WBP1L: variants seen among roughly 807,000 people sequenced by gnomAD.
WBP1L encodes WW domain binding protein 1-like.
Under a neutral mutation model 33.7 loss-of-function variants are expected in WBP1L, and 17 were observed. That is an observed-to-expected ratio of 0.50 (90% CI 0.34 to 0.76). The LOEUF is 0.76. Among genes scored for constraint, WBP1L ranks in the 30% least tolerant of loss-of-function variants. The pLI is 0.01. For synonymous variants in WBP1L, 173 were observed against 190.8 expected, an observed-to-expected ratio of 0.91 and a Z score of 0.77; for missense variants, 389 against 469.4, an observed-to-expected ratio of 0.83 and a Z score of 1.58.
At chr10:102,761,232 T>G (rs565950007) in intron 1 of WBP1L, among the ~76,000 whole-genome samples, 5 of 148,450 alleles carry the variant, frequency 3.4e-5, no homozygotes, top group African/African-American at 1.2e-4. Flanking sequence ...CTCTACCTCC[T>G]GGGTTCCAGT....
intron 3 of WBP1L, among the ~76,000 whole-genome samples, chr10:102,812,183 T>G (rs1843851605): frequency 6.6e-6 from 1 of 152,206 alleles, no homozygotes; most frequent in Non-Finnish European, 1.5e-5. Context: ...TTAGGGACCC[T>G]GGCCCTGAGG....
chr10:102,763,127 C>T (rs1402470856), intron 1 of WBP1L, among the ~76,000 whole-genome samples: 2 of 147,028 alleles, frequency 1.4e-5, no homozygotes, highest in African/African-American at 5.1e-5. Context: ...TCACTTGAGA[C>T]TGGGAGGCAG....
At chr10:102,812,488 G>A (rs975050611) in intron 3 of WBP1L, 107 bp from the exon 4 acceptor site, 35 of 1,317,148 alleles carry the variant, frequency 2.7e-5, no homozygotes, top group Non-Finnish European at 3.4e-5. Flanking sequence ...CACTTGTTGG[G>A]TGCTCTGGGG....
chr10:102,756,415 G>A (rs1402172655), intron 1 of WBP1L, among the ~76,000 whole-genome samples: 2 of 151,944 alleles, frequency 1.3e-5, no homozygotes, highest in Non-Finnish European at 2.9e-5. Context: ...GTCTCAGGGG[G>A]GTGGTGGGGG....
chr10:102,788,847 C>T (rs972573367), intron 1 of WBP1L, among the ~76,000 whole-genome samples: 3 of 152,078 alleles, frequency 2.0e-5, no homozygotes, highest in African/African-American at 7.2e-5. Context: ...ATGAGAGTTG[C>T]AAAAATATTT....
chr10:102,746,496 A>G (rs113321023), intron 1 of WBP1L, among the ~76,000 whole-genome samples: 189 of 152,174 alleles, frequency 1.2e-3, no homozygotes, highest in African/African-American at 4.5e-3. Context: ...GGAGTACTAG[A>G]TATCTATAGT....
At chr10:102,776,084 GT>G in intron 1 of WBP1L, 1 of 985,200 alleles carries the variant, frequency 1.0e-6, no homozygotes, top group Non-Finnish European at 1.2e-6. Flanking sequence ...GCTGTCTGAA[GT>G]TTTTTCTGCT....
At chr10:102,797,039 C>T (rs1046909518) in intron 1 of WBP1L, among the ~76,000 whole-genome samples, 4 of 152,162 alleles carry the variant, frequency 2.6e-5, no homozygotes, top group African/African-American at 7.2e-5. Flanking sequence ...ATCCTGGATC[C>T]AGTCAGGATT....
In WBP1L at chr10:102,787,143, GTCTTGGTTAACT is replaced by G. The variant is rs1378555383; in HGVS notation, c.91-10845_91-10834del. Among the ~76,000 whole-genome samples the G allele has an allele frequency of 2.0e-5, 3 of 152,250 alleles. No homozygotes were observed. In the East Asian group the frequency reaches 5.8e-4, roughly 29 times the overall value. ...AGTGTCCCATTGCATGCAAGACAAAGTCTTGGTTAACTTCTTAGCAGTGGCTTGCCCTTTATG... is the reference window on the plus strand; with the variant it reads ...AGTGTCCCATTGCATGCAAGACAAAGTCTTAGCAGTGGCTTGCCCTTTATG... On this transcript the variant is annotated intron_variant, in intron 1 of 3. Transcript: ENST00000448841.
At chr10:102,775,651 T>G (rs547417512) in intron 1 of WBP1L, among the ~76,000 whole-genome samples, 1 of 152,270 alleles carries the variant, frequency 6.6e-6, no homozygotes, top group African/African-American at 2.4e-5. Flanking sequence ...CAAGGTAGCG[T>G]GTCGTACCTT....
intron 1 of WBP1L, among the ~76,000 whole-genome samples, chr10:102,794,915 T>C (rs1176703402): frequency 6.6e-6 from 1 of 152,106 alleles, no homozygotes; most frequent in Non-Finnish European, 1.5e-5. Context: ...TTGCTAGAGG[T>C]ACACCTTCTT....
chr10:102,799,478 C>T (rs902243158), intron 2 of WBP1L, among the ~76,000 whole-genome samples: 1 of 152,162 alleles, frequency 6.6e-6, no homozygotes, highest in Non-Finnish European at 1.5e-5. Flanking sequence ...AACTGACACT[C>T]TTTGTACTCT....
intron 1 of WBP1L, among the ~76,000 whole-genome samples, chr10:102,791,611 C>T (rs1843499368): frequency 1.3e-5 from 2 of 152,106 alleles, no homozygotes; most frequent in African/African-American, 4.8e-5. Flanking sequence ...CCAGCCTGGG[C>T]AACATGAGGA....
chr10:102,805,580 G>A (rs980697073), intron 2 of WBP1L, among the ~76,000 whole-genome samples: 6 of 151,990 alleles, frequency 3.9e-5, no homozygotes, highest in African/African-American at 1.2e-4. Flanking sequence ...ATTACCTAAC[G>A]GGAGAATGTA....
intron 1 of WBP1L, among the ~76,000 whole-genome samples, chr10:102,769,366 T>C (rs1181700223): frequency 6.6e-6 from 1 of 151,836 alleles, no homozygotes; most frequent in African/African-American, 2.4e-5. Context: ...CTTTCTTTTT[T>C]TTTTTTTTAC....
intron 1 of WBP1L, among the ~76,000 whole-genome samples, chr10:102,775,388 C>T (rs2486757): frequency 0.28 from 41,947 of 151,958 alleles, 6,082 homozygotes; most frequent in Admixed American, 0.3. Context: ...GCAAAGCTTG[C>T]GTTAGAGAAC....
At chr10:102,804,420 A>T (rs148245143) in intron 2 of WBP1L, among the ~76,000 whole-genome samples, 37,676 of 98,114 alleles carry the variant, frequency 0.38, 5,500 homozygotes, top group Non-Finnish European at 0.48. Context: ...TTTTTTTTTT[A>T]AAAAAAAAAT....
In WBP1L at chr10:102,795,846, AGT is replaced by A. The variant is rs964741735; in HGVS notation, c.91-2140_91-2139del. ...GGCATGTTTTGCTCTGAAGTCAAAG[AGT>A]GTGTGTTCTGGCCAAAGTAGCAAGC... On this transcript the variant is annotated intron_variant, in intron 1 of 3. Coordinates refer to ENST00000448841, the MANE Select transcript of WBP1L (RefSeq NM_001083913.2). Among the ~76,000 whole-genome samples, 9 of 152,178 alleles carry A rather than the reference AGT, an allele frequency of 5.9e-5. 1 individual carries two copies. The highest frequency in any genetic ancestry group is 1.5e-5 in the Non-Finnish European group (1 of 68,038).
At position 102,768,364 on chromosome 10, in the gene WBP1L, GTTT is replaced by G. The variant is rs1436727549; in HGVS notation, c.90+24225_90+24227del. Among the ~76,000 whole-genome samples the G allele has an allele frequency of 9.0e-5, 4 of 44,578 alleles. No individual in the cohort carries two copies. The East Asian group carries it at 3.8e-3, about 42-fold the overall frequency. 29.2% of individuals were successfully genotyped at this position (44,578 alleles called of 152,430 possible). A position where few individuals can be genotyped will look rare whatever the true frequency, so the allele number is the denominator to read the frequency against. On this transcript the variant is annotated intron_variant, in intron 1 of 3. Transcript: ENST00000448841. Reference sequence around the variant, plus strand: ...GCTTGAGCCATTGCGCCTGGCATTAGTTTTTTGTTTTTTTTTTTTTTTTTTTTT... The same window carrying G: ...GCTTGAGCCATTGCGCCTGGCATTAGTTTGTTTTTTTTTTTTTTTTTTTTT...
Sources: allele counts gnomAD v4.1 joint callset (sites outside exome capture counted in the v4.1 genomes callset), GRCh38; gene constraint gnomAD v4.1.1; transcripts MANE v1.5; gene names NCBI Gene and HGNC (gene_info 2026-07-23, HGNC 2026-07-21).